Variants in WDPCP observed in about 807,000 individuals in gnomAD.
WDPCP encodes the protein WD repeat-containing and planar cell polarity effector protein fritz homolog.
Under a neutral mutation model 93.1 loss-of-function variants are expected in WDPCP, and 71 were observed. The ratio of observed to expected loss-of-function variants is 0.76; its 90% CI spans 0.63 to 0.93. The LOEUF (loss-of-function observed/expected upper bound fraction) is 0.93, where lower values mean the gene tolerates loss of function less well. WDPCP is among the 40% of genes least tolerant of loss of function. WDPCP has a pLI of 0.00. For synonymous variants in WDPCP, 315 were observed against 315.0 expected (o/e 1.00, Z 0.00); for missense variants, 844 against 887.4 (o/e 0.95, Z 0.62).
At chr2:63,188,948 C>A (rs1192593759) in intron 14 of WDPCP, among the ~76,000 whole-genome samples, 1 of 152,154 alleles carries the variant, frequency 6.6e-6, no homozygotes, top group Non-Finnish European at 1.5e-5. Context: ...TAGGGGAAAA[C>A]TGTGACCAGT....
intron 3 of WDPCP, among the ~76,000 whole-genome samples, chr2:63,611,630 T>C (rs1418039507): frequency 6.6e-6 from 1 of 152,234 alleles, no homozygotes; most frequent in Non-Finnish European, 1.5e-5. Context: ...ATCATCTTTA[T>C]GATCTTGATG....
chr2:63,396,018 C>G (rs143153458), intron 10 of WDPCP, among the ~76,000 whole-genome samples: 2 of 152,214 alleles, frequency 1.3e-5, no homozygotes, highest in African/African-American at 4.8e-5. Context: ...TATTAGCCAC[C>G]GTGCCTGGCC....
intron 2 of WDPCP, among the ~76,000 whole-genome samples, chr2:63,771,365 A>T (rs966127141): frequency 6.6e-6 from 1 of 152,002 alleles, no homozygotes; most frequent in Non-Finnish European, 1.5e-5. Flanking sequence ...CAAATAATTT[A>T]TATCTATTTA....
chr2:63,580,286 T>A (rs1708411519), intron 1 of WDPCP, among the ~76,000 whole-genome samples: 2 of 152,050 alleles, frequency 1.3e-5, no homozygotes, highest in South Asian at 4.1e-4. Flanking sequence ...CAGGCAAAAA[T>A]AATCAATAAG....
intron 14 of WDPCP, among the ~76,000 whole-genome samples, chr2:63,176,008 T>C (rs1442212410): frequency 6.6e-6 from 1 of 152,196 alleles, no homozygotes; most frequent in Non-Finnish European, 1.5e-5. Context: ...AATGCCATAC[T>C]GTTTTCATTG....
At chr2:63,395,386 C>G (rs946343631) in intron 10 of WDPCP, among the ~76,000 whole-genome samples, 2 of 152,166 alleles carry the variant, frequency 1.3e-5, no homozygotes, top group Non-Finnish European at 2.9e-5. Flanking sequence ...CCCTCTCCCA[C>G]TCTCTCACCT....
chr2:63,509,696 A>G (rs922666177), intron 1 of WDPCP, among the ~76,000 whole-genome samples: 1 of 152,190 alleles, frequency 6.6e-6, no homozygotes, highest in African/African-American at 2.4e-5. Context: ...AGAATAATAA[A>G]GGAGAAAAGA....
chr2:63,784,146 T>C (rs1670436451), intron 2 of WDPCP, among the ~76,000 whole-genome samples: 1 of 152,044 alleles, frequency 6.6e-6, no homozygotes, highest in Admixed American at 6.6e-5. Context: ...AGACATATGG[T>C]CAATAAATAT....
chr2:63,516,781 A>C (rs565555313), intron 1 of WDPCP, among the ~76,000 whole-genome samples: 37 of 152,096 alleles, frequency 2.4e-4, no homozygotes, highest in Non-Finnish European at 4.3e-4. Flanking sequence ...TTTTTTTTAA[A>C]GTTCTGATAT....
intron 2 of WDPCP, among the ~76,000 whole-genome samples, chr2:63,714,034 C>G (rs1335646746): frequency 1.3e-5 from 2 of 150,888 alleles, no homozygotes; most frequent in African/African-American, 4.9e-5. Context: ...TCGCTGCGAA[C>G]AACTATGTAT....
chr2:63,582,150 A>G (rs1011679722), intron 1 of WDPCP, among the ~76,000 whole-genome samples: 6 of 152,204 alleles, frequency 3.9e-5, no homozygotes, highest in Admixed American at 2.6e-4. Flanking sequence ...CCTGGAGACT[A>G]GAATATTAAA....
At chr2:63,480,137 T>C (rs1267732100) in intron 6 of WDPCP, among the ~76,000 whole-genome samples, 1 of 151,840 alleles carries the variant, frequency 6.6e-6, no homozygotes, top group Non-Finnish European at 1.5e-5. Context: ...CCTTTTACAA[T>C]AGCTGCAAAA....
At chr2:63,755,204 A>G (rs1183687511) in intron 2 of WDPCP, among the ~76,000 whole-genome samples, 2 of 152,172 alleles carry the variant, frequency 1.3e-5, no homozygotes, top group Non-Finnish European at 2.9e-5. Flanking sequence ...TGTTCGTTAC[A>G]CAGGTCTGCT....
At chr2:63,378,980 C>T (rs953210870) in intron 11 of WDPCP, among the ~76,000 whole-genome samples, 24 of 152,180 alleles carry the variant, frequency 1.6e-4, no homozygotes, top group African/African-American at 4.6e-4. Flanking sequence ...AAATATATCT[C>T]TATTGCAATT....
intron 2 of WDPCP, among the ~76,000 whole-genome samples, chr2:63,653,065 G>A (rs1710126744): frequency 6.6e-6 from 1 of 152,196 alleles, no homozygotes; most frequent in African/African-American, 2.4e-5. Context: ...TTTCTTCCTG[G>A]AAGCAATTTC....
intron 2 of WDPCP, among the ~76,000 whole-genome samples, chr2:63,701,949 T>G (rs929170108): frequency 6.6e-6 from 1 of 152,192 alleles, no homozygotes; most frequent in Non-Finnish European, 1.5e-5. Flanking sequence ...AATAGGATGA[T>G]CATAGTTTAC....
Position 63,296,754 on chromosome 2 carries a change from C to G in WDPCP, c.1812+16494G>C, listed in dbSNP as rs187868624. Reference sequence around the variant, plus strand: ...TAACCAAGGATGTGAAAGATCTCTACAAGGAGAACCACAAATGCTGATAAA... The same window carrying G: ...TAACCAAGGATGTGAAAGATCTCTAGAAGGAGAACCACAAATGCTGATAAA... On this transcript the variant is annotated intron_variant, in intron 13 of 17. Coordinates refer to ENST00000272321, the MANE Select transcript of WDPCP (RefSeq NM_015910.7). 2.7e-4 allele frequency among the ~76,000 whole-genome samples: 41 copies of G among 152,074 alleles called. No homozygotes were observed. The East Asian group carries it at 7.5e-3, about 28-fold the overall frequency.
chr2:63,259,469 G>A lies in WDPCP; in HGVS notation c.1813-60C>T. The A allele has an allele frequency of 3.0e-6, 4 of 1,340,054 alleles. No homozygotes were observed. The Admixed American group carries it at 6.8e-5, about 23-fold the overall frequency. 83.0% of individuals were successfully genotyped at this position (1,340,054 alleles called of 1,614,324 possible). A position where few individuals can be genotyped will look rare whatever the true frequency, so the allele number is the denominator to read the frequency against. On this transcript the variant is annotated intron_variant, in intron 13 of 17. Coordinates refer to ENST00000272321, the MANE Select transcript of WDPCP (RefSeq NM_015910.7). ...AAATGAACCTTGCCCAAGTTACAAGGAGGATTTTGAAGGAAACTTATTGTC... is the reference window on the plus strand; with the variant it reads ...AAATGAACCTTGCCCAAGTTACAAGAAGGATTTTGAAGGAAACTTATTGTC...
At chr2:63,801,736 A>C (rs1367400820) in intron 2 of WDPCP, among the ~76,000 whole-genome samples, 2 of 152,162 alleles carry the variant, frequency 1.3e-5, no homozygotes, top group African/African-American at 4.8e-5. Context: ...TGCGTTTTAC[A>C]ATCCTCCTGC....
Sources: gnomAD v4.1 joint callset for allele counts (sites outside exome capture counted in the v4.1 genomes callset) on GRCh38, gnomAD v4.1.1 for gene constraint, MANE v1.5 for transcripts, NCBI Gene and HGNC (gene_info 2026-07-23, HGNC 2026-07-21) for gene names.